IQSEC3: variants seen among roughly 807,000 people sequenced by gnomAD.
IQSEC3 encodes IQ motif and SEC7 domain-containing protein 3.
In IQSEC3, 50 loss-of-function variants were observed where a neutral mutation model predicts 105.4. The observed-to-expected ratio is 0.47, with a 90% CI of 0.38 to 0.60. The LOEUF (loss-of-function observed/expected upper bound fraction) is 0.60. Ranked by LOEUF, IQSEC3 falls within the 20% of genes least tolerant of loss-of-function variation. IQSEC3 has a pLI of 0.00. For missense variants in IQSEC3, 1,415 were observed against 1,630.0 expected (o/e 0.87, Z 2.27); for synonymous variants, 708 against 746.0 (o/e 0.95, Z 0.83).
At chr12:126,544 G>GGTGTGTGTGTGTGT (rs56871643) in intron 3 of IQSEC3, among the ~76,000 whole-genome samples, 3,108 of 145,736 alleles carry the variant, frequency 0.021, 37 homozygotes, top group African/African-American at 0.025. Context: ...CTTGATGGAA[G>GGTGTGTGTGTGTGT]GTGTGTGTGT....
At chr12:172,112 G>A (rs1009397922) in intron 13 of IQSEC3, among the ~76,000 whole-genome samples, 10 of 152,084 alleles carry the variant, frequency 6.6e-5, no homozygotes, top group Admixed American at 3.3e-4. Flanking sequence ...ACCTCGACCC[G>A]GAGGGGCCCC....
intron 2 of IQSEC3, among the ~76,000 whole-genome samples, chr12:111,448 C>T (rs1864883254): frequency 6.6e-6 from 1 of 152,130 alleles, no homozygotes; most frequent in Non-Finnish European, 1.5e-5. Context: ...CTTTAGTTCC[C>T]TCTTTCCTCT....
At chr12:130,955 A>C (rs1555084797) in intron 3 of IQSEC3, among the ~76,000 whole-genome samples, 1 of 148,300 alleles carries the variant, frequency 6.7e-6, no homozygotes, top group African/African-American at 2.5e-5. Context: ...GATGGGAACA[A>C]ACCCTTGGAA....
chr12:143,472 C>T (rs577887630), intron 5 of IQSEC3: 42 of 152,980 alleles, frequency 2.7e-4, no homozygotes, highest in African/African-American at 9.4e-4. Context: ...GAGAATCTAC[C>T]ACCTTTCCCA....
chr12:116,135 G>A (rs528689740), intron 2 of IQSEC3, among the ~76,000 whole-genome samples: 1 of 152,158 alleles, frequency 6.6e-6, no homozygotes, highest in Non-Finnish European at 1.5e-5. Context: ...ACCATTGTAC[G>A]TGTATTAGCC....
intron 4 of IQSEC3, chr12:139,583 A>T: frequency 2.3e-6 from 1 of 441,940 alleles, no homozygotes; most frequent in Non-Finnish European, 4.0e-6. Context: ...AAAGGAAAAA[A>T]ATAACACATC....
At position 141,275 on chromosome 12, in the gene IQSEC3, G is replaced by A. The variant is rs200723340; in HGVS notation, c.2143G>A (p.Asp715Asn). Residue 715 changes from aspartate (D) to asparagine (N), a missense_variant, in exon 5 of 14, where the codon GAC becomes AAC. Around this residue, in one of 6 missense-constraint regions of IQSEC3, gnomAD observed 213 missense variants for 306.2 expected, o/e 0.70. Transcript: ENST00000538872. ...CAACAGCAAGAAGCAGTTCAACCGC[G>A]ACGTGCTGGAGTGAGTACCCCACAC... ...LGNSKKQFNR[D>N]VLDCVVDEMD... 7.4e-6 allele frequency: 12 copies of A among 1,613,968 alleles called. No individual in the cohort carries two copies. The highest frequency in any genetic ancestry group is 1.7e-4 in the Middle Eastern group (1 of 6,044).
At chr12:103,841 G>A in intron 2 of IQSEC3, among the ~76,000 whole-genome samples, 1 of 22,802 alleles carries the variant, frequency 4.4e-5, no homozygotes. Context: ...AGGAGGGAGA[G>A]GTGGAGTTCA....
At chr12:133,869 G>A (rs1865673030) in intron 3 of IQSEC3, among the ~76,000 whole-genome samples, 1 of 151,886 alleles carries the variant, frequency 6.6e-6, no homozygotes. Context: ...TAGGAAGAAA[G>A]GGAACAGGCT....
intron 2 of IQSEC3, among the ~76,000 whole-genome samples, chr12:116,533 G>A (rs9668025): frequency 0.17 from 25,651 of 152,260 alleles, 2,778 homozygotes; most frequent in East Asian, 0.32. Context: ...GGTGTAGAGG[G>A]CTTAAGGAGT....
At chr12:79,201 C>A (rs1379524793) in intron 1 of IQSEC3, among the ~76,000 whole-genome samples, 1 of 146,732 alleles carries the variant, frequency 6.8e-6, no homozygotes, top group Non-Finnish European at 1.5e-5. Flanking sequence ...GTGGCCAGAC[C>A]AGCTTTGGGC....
chr12:142,086 C>T (rs1258481528), intron 5 of IQSEC3: 3 of 152,290 alleles, frequency 2.0e-5, no homozygotes, highest in Non-Finnish European at 4.4e-5. Flanking sequence ...CGAGGTTGGC[C>T]TCCTTCTTGA....
intron 7 of IQSEC3, among the ~76,000 whole-genome samples, chr12:160,866 CT>C (rs1555095970): frequency 1.3e-5 from 2 of 152,182 alleles, no homozygotes; most frequent in African/African-American, 2.4e-5. Flanking sequence ...GCCTGTGCCC[CT>C]GTTCTCTGTC....
chr12:135,065 G>A (rs548305519), intron 3 of IQSEC3, among the ~76,000 whole-genome samples: 11 of 152,358 alleles, frequency 7.2e-5, no homozygotes, highest in African/African-American at 2.6e-4. Context: ...AGGAGGCGGA[G>A]GTTATGGTGA....
At chr12:168,303 A>G (rs1419630642) in intron 11 of IQSEC3, among the ~76,000 whole-genome samples, 6 of 152,188 alleles carry the variant, frequency 3.9e-5, no homozygotes, top group Admixed American at 2.0e-4. Flanking sequence ...CTAGCACTGC[A>G]GGCTTGTAGC....
intron 9 of IQSEC3, among the ~76,000 whole-genome samples, chr12:164,997 T>G (rs1867099030): frequency 6.6e-6 from 1 of 152,206 alleles, no homozygotes; most frequent in Non-Finnish European, 1.5e-5. Flanking sequence ...AAGGCATCTC[T>G]AAGGAGGTAG....
chr12:151,009 C>A (rs1026419228), intron 5 of IQSEC3, among the ~76,000 whole-genome samples: 1 of 148,132 alleles, frequency 6.8e-6, no homozygotes, highest in Non-Finnish European at 1.5e-5. Context: ...TACCTCCAGG[C>A]CCCTGGGTGC....
At chr12:116,833 G>C (rs1267714019) in intron 2 of IQSEC3, among the ~76,000 whole-genome samples, 1 of 152,206 alleles carries the variant, frequency 6.6e-6, no homozygotes, top group Non-Finnish European at 1.5e-5. Context: ...AAAGACAAGG[G>C]GGGCGTTTGC....
chr12:125,936 C>G, intron 3 of IQSEC3, 24 bp downstream of exon 3: 7 of 1,524,206 alleles, frequency 4.6e-6, no homozygotes, highest in South Asian at 1.2e-5. Flanking sequence ...CCTAGGGGGG[C>G]GGGGAGGGTG....
Sources: allele counts gnomAD v4.1 joint callset (sites outside exome capture counted in the v4.1 genomes callset), GRCh38; gene constraint gnomAD v4.1.1; regional missense constraint gnomAD v4.1.1; transcripts MANE v1.5; gene names NCBI Gene and HGNC (gene_info 2026-07-23, HGNC 2026-07-21).